Variants in KIF13B observed in about 807,000 individuals in gnomAD.
The protein encoded by KIF13B is kinesin-like protein KIF13B.
Under a neutral mutation model 222.0 loss-of-function variants are expected in KIF13B, and 127 were observed. The ratio of observed to expected loss-of-function variants is 0.57; its 90% CI spans 0.50 to 0.66. KIF13B has a LOEUF of 0.66. Ranked by LOEUF, KIF13B falls within the 30% of genes least tolerant of loss-of-function variation. The pLI, the probability that KIF13B is intolerant of heterozygous loss-of-function variation, is 0.00. For synonymous variants in KIF13B, 976 were observed against 919.0 expected (o/e 1.06, Z -1.12); for missense variants, 2,173 against 2,379.0 (o/e 0.91, Z 1.80).
chr8:29,177,625 G>A, intron 8 of KIF13B, 47 bp from the exon 9 acceptor site: 4 of 1,263,406 alleles, frequency 3.2e-6, no homozygotes, highest in Non-Finnish European at 4.6e-6. Flanking sequence ...CACAGGGCCA[G>A]GTGTGGTGGC....
At chr8:29,098,257 T>A (rs1297300047) in intron 36 of KIF13B, among the ~76,000 whole-genome samples, 1 of 144,390 alleles carries the variant, frequency 6.9e-6, no homozygotes, top group Admixed American at 6.9e-5. Context: ...GAAAAAAATA[T>A]AACCTATGAT....
Position 29,167,408 on chromosome 8 carries a change from C to A in KIF13B, c.1123G>T (p.Val375Phe). 1 of 1,613,356 alleles carries A rather than the reference C, an allele frequency of 6.2e-7. No individual in the cohort carries two copies. The highest frequency in any genetic ancestry group is 1.3e-5 in the African/African-American group (1 of 75,044). The change falls in exon 11 of 40, where the codon GTT (valine) becomes TTT (phenylalanine). Residue 375 changes from valine to phenylalanine, a missense_variant. Around this residue, in one of 2 missense-constraint regions of KIF13B, gnomAD observed 1,480 missense variants for 1,722.8 expected, o/e 0.86. Transcript: ENST00000524189. The part of the protein sequence containing the change: ...ARIIRDLREE[V>F]EKLREQLTKA... ...GTCAGCTGCTCCCGGAGTTTCTCAACTTCTTCCCGGAGATCCCGGATAATT... is the reference window on the plus strand; with the variant it reads ...GTCAGCTGCTCCCGGAGTTTCTCAAATTCTTCCCGGAGATCCCGGATAATT...
intron 38 of KIF13B, among the ~76,000 whole-genome samples, chr8:29,073,695 A>G (rs577818091): frequency 2.2e-4 from 33 of 152,336 alleles, no homozygotes; most frequent in Middle Eastern, 3.4e-3. Context: ...TGAGATCTAT[A>G]CGTCTCTTAC....
intron 2 of KIF13B, among the ~76,000 whole-genome samples, chr8:29,206,209 G>A (rs1199288986): frequency 6.6e-6 from 1 of 152,308 alleles, no homozygotes; most frequent in Non-Finnish European, 1.5e-5. Flanking sequence ...AGGATCGCTT[G>A]AGCCCAGGAG....
intron 14 of KIF13B, among the ~76,000 whole-genome samples, chr8:29,151,461 C>T (rs1811294435): frequency 6.6e-6 from 1 of 152,198 alleles, no homozygotes; most frequent in East Asian, 1.9e-4. Flanking sequence ...GAAGTCAATG[C>T]CTGGCTTCAA....
In KIF13B at chr8:29,071,825, C is replaced by T. The variant is rs1244328683; in HGVS notation, c.5013G>A (p.Pro1671=). ...GGGCCGGCGCATTCCCCTCGGCCCC[C>T]GGGGAGCAGCCGGGGTCCCCAGCCA... ...RMLAGDPGCS[P]GAEGNAPAPG... Residue 1671 remains proline, a synonymous_variant, in exon 39 of 40, where the codon CCG becomes CCA. Transcript: ENST00000524189. This position sits in a 1 kb window ranked among gnomAD's most constrained non-coding sequence, Gnocchi z 4.9. The T allele has an allele frequency of 3.2e-6, 5 of 1,542,092 alleles. No homozygotes were observed. The highest frequency in any genetic ancestry group is 3.5e-6 in the Non-Finnish European group (4 of 1,146,018).
intron 2 of KIF13B, among the ~76,000 whole-genome samples, chr8:29,238,827 C>T (rs776582361): frequency 1.3e-5 from 2 of 152,154 alleles, no homozygotes; most frequent in South Asian, 4.1e-4. Flanking sequence ...CTTTCAACCT[C>T]CAAACGTTCT....
rs1017827737 is a variant in KIF13B at position 29,118,869 on chromosome 8, T to A, written c.3659A>T (p.Glu1220Val). 5 of 1,613,690 alleles carry A rather than the reference T, an allele frequency of 3.1e-6. No individual in the cohort carries two copies. The highest frequency in any genetic ancestry group is 3.4e-6 in the Non-Finnish European group (4 of 1,179,760). The change falls in exon 30 of 40, where the codon GAG (glutamate) becomes GTG (valine). Residue 1220 changes from glutamate to valine, a missense_variant and splice_region_variant. Around this residue, in one of 2 missense-constraint regions of KIF13B, gnomAD observed 1,480 missense variants for 1,722.8 expected, o/e 0.86. Coordinates refer to ENST00000524189, the MANE Select transcript of KIF13B (RefSeq NM_015254.4). ...ELQIVKQHDG[E>V]VKAEASWDSA... is the part of the protein sequence containing the mutation. ...CATCCCAAGTTAGGCTTTCCTTACCTCCCCATCATGCTGCTTCACAATCTG... is the reference window on the plus strand; with the variant it reads ...CATCCCAAGTTAGGCTTTCCTTACCACCCCATCATGCTGCTTCACAATCTG...
rs186709312 is a variant in KIF13B at position 29,153,745 on chromosome 8, C to T, written c.1535+1981G>A. On this transcript the variant is annotated intron_variant, in intron 14 of 39. Coordinates refer to ENST00000524189, the MANE Select transcript of KIF13B (RefSeq NM_015254.4). ...ACATGATCAACTCTTCCTCCAAATC[C>T]AGGCTTCTATCAGTCCTACAACCTG... 3.3e-4 allele frequency among the ~76,000 whole-genome samples: 50 copies of T among 152,190 alleles called. No individual in the cohort carries two copies. In the East Asian group the frequency reaches 8.5e-3, roughly 26 times the overall value.
intron 2 of KIF13B, among the ~76,000 whole-genome samples, chr8:29,203,699 T>C (rs1813800206): frequency 6.6e-6 from 1 of 152,032 alleles, no homozygotes; most frequent in Non-Finnish European, 1.5e-5. Flanking sequence ...GAGACCAGCC[T>C]GGCCAATATG....
chr8:29,121,162 A>G (rs1809842552), intron 29 of KIF13B, among the ~76,000 whole-genome samples: 1 of 149,862 alleles, frequency 6.7e-6, no homozygotes, highest in African/African-American at 2.5e-5. Context: ...TGCCATCCCC[A>G]TCAAGCTACC....
chr8:29,099,148 G>T lies in KIF13B; in HGVS notation c.4309C>A (p.His1437Asn). The T allele has an allele frequency of 6.2e-7, 1 of 1,611,370 alleles. No individual in the cohort carries two copies. Among genetic ancestry groups the T allele is most frequent in the East Asian group, 2.2e-5 (1 of 44,840 alleles). Residue 1437 changes from histidine (H) to asparagine (N), a missense_variant, in exon 36 of 40, where the codon CAT (histidine) becomes AAT (asparagine). Physicochemically the swap from His to Asn is moderately conservative, Grantham distance 68. This residue lies in a region of KIF13B where 693 missense variants were observed against 656.2 expected (regional missense o/e 1.06). Coordinates refer to ENST00000524189, the MANE Select transcript of KIF13B (RefSeq NM_015254.4). Reference protein sequence around the residue: ...PALSVSPQNNHSPDPGLSNLA... With the variant: ...PALSVSPQNNNSPDPGLSNLA... Reference sequence around the variant, plus strand: ...GATAACTTACCTGGATCTGGAGAATGGTTATTTTGGGGAGAAACAGAGAGG... The same window carrying T: ...GATAACTTACCTGGATCTGGAGAATTGTTATTTTGGGGAGAAACAGAGAGG...
intron 1 of KIF13B, among the ~76,000 whole-genome samples, chr8:29,261,995 A>C (rs1816696753): frequency 6.6e-6 from 1 of 152,224 alleles, no homozygotes; most frequent in Non-Finnish European, 1.5e-5. Context: ...TCTGGTACTT[A>C]AATGATTCTA....
At chr8:29,165,983 G>C (rs1269358546) in intron 11 of KIF13B, among the ~76,000 whole-genome samples, 2 of 147,080 alleles carry the variant, frequency 1.4e-5, no homozygotes, top group South Asian at 2.1e-4. Flanking sequence ...CAAAAAGAAG[G>C]CTTTTTCCTT....
chr8:29,084,552 G>C (rs1807957858), intron 37 of KIF13B, among the ~76,000 whole-genome samples: 6 of 152,276 alleles, frequency 3.9e-5, no homozygotes, highest in Admixed American at 2.6e-4. Context: ...CTAACCAAAA[G>C]GGACAGACAC....
intron 2 of KIF13B, among the ~76,000 whole-genome samples, chr8:29,208,445 T>C (rs1814056408): frequency 6.6e-6 from 1 of 152,242 alleles, no homozygotes; most frequent in African/African-American, 2.4e-5. Flanking sequence ...TGGTTGGGCC[T>C]CAGTGGGTCT....
chr8:29,094,436 T>G (rs1326411319), intron 36 of KIF13B, among the ~76,000 whole-genome samples: 1 of 152,020 alleles, frequency 6.6e-6, no homozygotes, highest in Non-Finnish European at 1.5e-5. Context: ...CAATCAACAA[T>G]CTGGGAAAAT....
At chr8:29,225,291 C>T (rs562418735) in intron 2 of KIF13B, among the ~76,000 whole-genome samples, 2 of 152,252 alleles carry the variant, frequency 1.3e-5, no homozygotes, top group East Asian at 3.9e-4. Flanking sequence ...CATATTAACG[C>T]ATTTAGTCCT....
At position 29,070,288 on chromosome 8, in the gene KIF13B, TGAG is replaced by T. The variant is rs1288175790; in HGVS notation, c.*213_*215del. On this transcript the variant is annotated 3_prime_UTR_variant, in exon 40 of 40. Coordinates refer to ENST00000524189, the MANE Select transcript of KIF13B (RefSeq NM_015254.4). This position sits in a 1 kb window ranked among gnomAD's most constrained non-coding sequence, Gnocchi z 4.1. ...GGGCACCCAGAACCTTCCATCCACCTGAGGAGGCACAGTTGAGGCCCCCACTTT... is the reference window on the plus strand; with the variant it reads ...GGGCACCCAGAACCTTCCATCCACCTGAGGCACAGTTGAGGCCCCCACTTT... 4 of 588,612 alleles carry T rather than the reference TGAG, an allele frequency of 6.8e-6. No homozygotes were observed. In the African/African-American group the frequency reaches 7.7e-5, roughly 11 times the overall value. 36.5% of individuals were successfully genotyped at this position (588,612 alleles called of 1,614,324 possible).
Sources: allele counts gnomAD v4.1 joint callset (sites outside exome capture counted in the v4.1 genomes callset), GRCh38; gene constraint gnomAD v4.1.1; regional missense constraint gnomAD v4.1.1; non-coding constraint Gnocchi (gnomAD v3.1); transcripts MANE v1.5; gene names NCBI Gene and HGNC (gene_info 2026-07-23, HGNC 2026-07-21).